Variants in USP4 observed in about 807,000 individuals in gnomAD.
The protein encoded by USP4 is ubiquitin carboxyl-terminal hydrolase 4.
In USP4, 72 loss-of-function variants were observed where a neutral mutation model predicts 118.2. That is an observed-to-expected ratio of 0.61 (90% CI 0.50 to 0.74). The LOEUF is 0.74. Ranked by LOEUF, USP4 falls within the 30% of genes least tolerant of loss-of-function variation. USP4 has a pLI of 0.00. For missense variants in USP4, 1,037 were observed against 1,185.7 expected, an observed-to-expected ratio of 0.87 and a Z score of 1.84; for synonymous variants, 415 against 440.4, an observed-to-expected ratio of 0.94 and a Z score of 0.72.
chr3:49,330,933 G>C (rs1559481253), intron 2 of USP4, among the ~76,000 whole-genome samples: 1 of 151,242 alleles, frequency 6.6e-6, no homozygotes, highest in South Asian at 2.1e-4. Context: ...CAGGAGAATC[G>C]TGTGAACCCG....
intron 6 of USP4, chr3:49,316,785 G>A (rs1192613393): frequency 4.2e-6 from 2 of 477,662 alleles, no homozygotes; most frequent in Admixed American, 3.6e-5. Context: ...CCTCCATGGT[G>A]CTCAGACTAC....
intron 11 of USP4, 65 bp downstream of exon 11, chr3:49,300,402 C>G (rs891462244): frequency 1.0e-5 from 15 of 1,457,580 alleles, no homozygotes; most frequent in African/African-American, 1.4e-5. Flanking sequence ...CAGATAGGAG[C>G]AGTCCCACTG....
intron 8 of USP4, among the ~76,000 whole-genome samples, chr3:49,308,000 C>G (rs886813714): frequency 1.3e-5 from 2 of 151,544 alleles, no homozygotes; most frequent in East Asian, 1.9e-4. Context: ...GAGTTCCTGT[C>G]TCTAAGAAAA....
At chr3:49,278,775 A>G (rs1212645868) in intron 21 of USP4, 39 bp downstream of exon 21, 1 of 1,458,494 alleles carries the variant, frequency 6.9e-7, no homozygotes, top group South Asian at 1.2e-5. Context: ...TTTAATCCAT[A>G]ACGACATGAG....
intron 6 of USP4, among the ~76,000 whole-genome samples, chr3:49,322,440 T>C (rs972535597): frequency 1.3e-5 from 2 of 152,230 alleles, no homozygotes; most frequent in Non-Finnish European, 2.9e-5. Flanking sequence ...GATATATTTC[T>C]ATTGGTTATA....
intron 11 of USP4, among the ~76,000 whole-genome samples, chr3:49,299,151 G>A (rs964837470): frequency 6.6e-6 from 1 of 151,890 alleles, no homozygotes. Context: ...GCGCAGTGAC[G>A]CGATCTTGGC....
In USP4 at chr3:49,337,402, CTTT is replaced by C. The variant is rs2047679967; in HGVS notation, c.102-1809_102-1807del. On this transcript the variant is annotated intron_variant, in intron 1 of 21. Coordinates refer to ENST00000265560, the MANE Select transcript of USP4 (RefSeq NM_003363.4). ...TTTGTGCTTCATATTCAACTTACCA[CTTT>C]TTTACTTAAATGTAAGCAAATGTGG... Among the ~76,000 whole-genome samples the C allele has an allele frequency of 2.0e-5, 3 of 152,056 alleles. No homozygotes were observed. In the South Asian group the frequency reaches 6.2e-4, roughly 32 times the overall value.
Position 49,284,146 on chromosome 3 carries a change from G to C in USP4, c.2391-10C>G, listed in dbSNP as rs1470907126. ...ACAGTTGGGACAGTACCTAAAAAGAGAAACCTCCACTTAGCAGGGCAAGCC... is the reference window on the plus strand; with the variant it reads ...ACAGTTGGGACAGTACCTAAAAAGACAAACCTCCACTTAGCAGGGCAAGCC... On this transcript the variant is annotated splice_polypyrimidine_tract_variant and intron_variant, in intron 18 of 21. Transcript: ENST00000265560. The C allele has an allele frequency of 1.9e-6, 3 of 1,614,170 alleles. No individual in the cohort carries two copies. The highest frequency in any genetic ancestry group is 1.7e-5 in the Admixed American group (1 of 59,998).
At chr3:49,309,965 T>C (rs1248995906) in intron 8 of USP4, among the ~76,000 whole-genome samples, 3 of 122,078 alleles carry the variant, frequency 2.5e-5, no homozygotes, top group Admixed American at 8.6e-5. Context: ...TTTTTTTTTT[T>C]TGAGACAGAG....
At position 49,292,536 on chromosome 3, in the gene USP4, C is replaced by A. The variant is rs2047161994; in HGVS notation, c.1946G>T (p.Cys649Phe). ...FGSSPLEPGA[C>F]NGSRNSCEGE... is the part of the protein sequence containing the mutation. ...TTCACAGCTGTTCCTGGAGCCATTG[C>A]AGGCCCCTGGCTCCAAGGGTGAGCT... is the stretch of plus-strand genomic sequence containing the variant. Residue 649 changes from cysteine to phenylalanine, a missense_variant, in exon 15 of 22, where the codon TGC becomes TTC. Physicochemically the swap from Cys to Phe is radical, Grantham distance 205. Transcript: ENST00000265560. 1 of 1,596,640 alleles carries A rather than the reference C, an allele frequency of 6.3e-7. No individual in the cohort carries two copies. The highest frequency in any genetic ancestry group is 8.5e-7 in the Non-Finnish European group (1 of 1,170,704).
intron 9 of USP4, among the ~76,000 whole-genome samples, chr3:49,303,753 CTTTTT>C (rs954366893): frequency 2.0e-5 from 3 of 151,954 alleles, no homozygotes; most frequent in African/African-American, 7.2e-5. Context: ...CCACCCAATT[CTTTTT>C]TATTTTTTTT....
intron 9 of USP4, among the ~76,000 whole-genome samples, chr3:49,303,675 A>G (rs2047282941): frequency 6.6e-6 from 1 of 152,146 alleles, no homozygotes; most frequent in Non-Finnish European, 1.5e-5. Context: ...GAAGCTCCAC[A>G]CTTCCCTAAT....
rs1036728296 is a variant in USP4 at position 49,301,696 on chromosome 3, T to A, written c.1287+688A>T. Among the ~76,000 whole-genome samples, 10 of 152,010 alleles carry A rather than the reference T, an allele frequency of 6.6e-5. 1 individual carries two copies. Among genetic ancestry groups the A allele is most frequent in the South Asian group, 2.1e-4 (1 of 4,812 alleles). On this transcript the variant is annotated intron_variant, in intron 10 of 21. Transcript: ENST00000265560. ...GAGTGAGACTCCATCTCAAAAAAAA[T>A]AAATAAATAAATTTTAAAAATAAAG... is the stretch of plus-strand genomic sequence containing the variant.
In USP4 at chr3:49,335,496, G is replaced by C. The variant is rs1413960731; in HGVS notation, c.202C>G (p.Pro68Ala). ...NVGEHNLFPG[P>A]IDNSGLFSDP... is the part of the protein sequence containing the mutation. ...GAAAATAGCCCAGAGTTGTCTATTG[G>C]GCCAGGAAATAGGTTATGTTCACCC... is the stretch of plus-strand genomic sequence containing the variant. The change falls in exon 2 of 22, where the codon CCA becomes GCA. Residue 68 changes from proline (P) to alanine (A), a missense_variant. Physicochemically the swap from Pro to Ala is conservative, Grantham distance 27 (BLOSUM62 -1). Coordinates refer to ENST00000265560, the MANE Select transcript of USP4 (RefSeq NM_003363.4). The C allele has an allele frequency of 1.4e-5, 22 of 1,614,038 alleles. No homozygotes were observed. The highest frequency in any genetic ancestry group is 1.8e-5 in the Non-Finnish European group (21 of 1,180,048).
chr3:49,297,907 C>A lies in USP4; in HGVS notation c.1654G>T (p.Gly552Cys). 1 of 1,614,122 alleles carries A rather than the reference C, an allele frequency of 6.2e-7. No homozygotes were observed. The highest frequency in any genetic ancestry group is 2.2e-5 in the East Asian group (1 of 44,884). Residue 552 changes from glycine to cysteine, a missense_variant, in exon 13 of 22, where the codon GGT becomes TGT. Physicochemically the swap from Gly to Cys is radical, Grantham distance 159. This residue lies in a region of USP4 where 522 missense variants were observed against 592.6 expected (regional missense o/e 0.88). Coordinates refer to ENST00000265560, the MANE Select transcript of USP4 (RefSeq NM_003363.4). ...RFHKIFQMDEGLNHIMPRDDI... is the reference protein window; with the variant it reads ...RFHKIFQMDECLNHIMPRDDI... ...TCCCGAGGCATGATGTGGTTTAAAC[C>A]TTCATCCATTTGGAAAATTTTGTGG...
chr3:49,314,101 T>A (rs1391261568), intron 6 of USP4: 1 of 152,184 alleles, frequency 6.6e-6, no homozygotes, highest in Non-Finnish European at 1.5e-5. Flanking sequence ...AGAAAATGAC[T>A]AAGAAGATGT....
chr3:49,295,736 C>CA (rs1336643836), intron 13 of USP4, among the ~76,000 whole-genome samples: 7,072 of 142,852 alleles, frequency 0.05, 177 homozygotes, highest in South Asian at 0.054. Context: ...ACACACACAC[C>CA]CCCCCCTCCC....
At chr3:49,318,363 G>A (rs1337954681) in intron 6 of USP4, 2 of 985,544 alleles carry the variant, frequency 2.0e-6, no homozygotes, top group Non-Finnish European at 2.4e-6. Context: ...TGTAGGCAAA[G>A]GTGGCTTTCT....
chr3:49,313,025 G>C (rs1267738403), intron 6 of USP4, among the ~76,000 whole-genome samples: 1 of 150,914 alleles, frequency 6.6e-6, no homozygotes, highest in Non-Finnish European at 1.5e-5. Context: ...CGAGTAGCTG[G>C]GACTACAGGC....
Sources: gnomAD v4.1 joint callset for allele counts (sites outside exome capture counted in the v4.1 genomes callset) on GRCh38, gnomAD v4.1.1 for gene constraint, gnomAD v4.1.1 regional missense constraint, MANE v1.5 for transcripts, NCBI Gene and HGNC (gene_info 2026-07-23, HGNC 2026-07-21) for gene names.